The following IPO11 variants were observed in gnomAD, a reference collection of about 807,000 sequenced individuals.
The protein encoded by IPO11 is importin-11.
In IPO11, 66 loss-of-function variants were observed where a neutral mutation model predicts 143.2. The ratio of observed to expected loss-of-function variants is 0.46; its 90% confidence interval spans 0.38 to 0.57. The LOEUF (loss-of-function observed/expected upper bound fraction) is 0.57. IPO11 is among the 20% of genes least tolerant of loss of function. The probability of loss-of-function intolerance (pLI) is 0.00; values close to 1 mark genes in which losing one functional copy is unlikely to be tolerated. For missense variants in IPO11, 1,026 were observed against 1,141.0 expected, an observed-to-expected ratio of 0.90 and a Z score of 1.45; for synonymous variants, 385 against 377.8, an observed-to-expected ratio of 1.02 and a Z score of -0.22.
intron 24 of IPO11, among the ~76,000 whole-genome samples, chr5:62,546,562 C>T (rs1458436079): frequency 4.6e-5 from 7 of 151,912 alleles, no homozygotes; most frequent in Non-Finnish European, 8.8e-5. Context: ...CAAACCTGCA[C>T]GTTGTGCACT....
At chr5:62,483,894 T>G in intron 10 of IPO11, 116 bp from the exon 11 acceptor site, 1 of 834,992 alleles carries the variant, frequency 1.2e-6, no homozygotes, top group Non-Finnish European at 1.8e-6. Context: ...AATGAAAATT[T>G]ATACACAAGT....
intron 27 of IPO11, chr5:62,579,267 A>T: frequency 4.7e-6 from 3 of 643,718 alleles, no homozygotes; most frequent in Admixed American, 2.8e-5. Flanking sequence ...ATTTTTTGCT[A>T]TTACCATGGT....
intron 27 of IPO11, among the ~76,000 whole-genome samples, chr5:62,574,631 T>G (rs1580340557): frequency 6.6e-6 from 1 of 152,156 alleles, no homozygotes; most frequent in Non-Finnish European, 1.5e-5. Flanking sequence ...GCCCTTCTGT[T>G]TAATAGTTCT....
intron 27 of IPO11, chr5:62,579,319 G>T (rs1744449017): frequency 1.1e-6 from 1 of 871,130 alleles, no homozygotes; most frequent in Admixed American, 2.2e-5. Context: ...AATTAAAATA[G>T]AATACAGAAG....
intron 1 of IPO11, among the ~76,000 whole-genome samples, chr5:62,422,055 T>C (rs1292913913): frequency 6.6e-6 from 1 of 152,240 alleles, no homozygotes; most frequent in East Asian, 1.9e-4. Flanking sequence ...TGTTGTTATC[T>C]CTATTCAGTG....
At chr5:62,503,895 G>A (rs952663728) in intron 16 of IPO11, among the ~76,000 whole-genome samples, 4 of 152,156 alleles carry the variant, frequency 2.6e-5, no homozygotes, top group Admixed American at 6.5e-5. Flanking sequence ...ATCTAAGAAA[G>A]TAATGGTTCT....
intron 28 of IPO11, among the ~76,000 whole-genome samples, chr5:62,599,230 CTGGAATACTTGGCCTT>C (rs1561381504): frequency 6.6e-6 from 1 of 152,230 alleles, no homozygotes; most frequent in Non-Finnish European, 1.5e-5. Context: ...AAGAAAATGA[CTGGAATACTTGGCCTT>C]TGCCCCAACT....
chr5:62,586,751 C>A (rs1470935759), intron 27 of IPO11, among the ~76,000 whole-genome samples: 1 of 26,240 alleles, frequency 3.8e-5, no homozygotes, highest in African/African-American at 2.3e-4. Flanking sequence ...AACTCAGTCT[C>A]CAAAAAAAAA....
chr5:62,465,598 C>T (rs1051651736), intron 5 of IPO11, among the ~76,000 whole-genome samples: 2 of 152,176 alleles, frequency 1.3e-5, no homozygotes, highest in Admixed American at 6.5e-5. Context: ...AGTATTTTGG[C>T]TGTAATAAAA....
intron 22 of IPO11, among the ~76,000 whole-genome samples, chr5:62,533,963 A>AG (rs1742644680): frequency 1.9e-5 from 2 of 105,880 alleles, no homozygotes; most frequent in African/African-American, 8.1e-5. Context: ...AAAAAAAAAA[A>AG]AAAAGAAAGC....
rs1001001243 is a variant in IPO11 at position 62,627,442 on chromosome 5, T to A, written c.*124T>A. On this transcript the variant is annotated 3_prime_UTR_variant, in exon 30 of 30. Transcript: ENST00000325324. ...CATGAAAATAAGCAAAGACCACACA[T>A]TTTTTACTACAAAATGTAAAGGATA... The A allele has an allele frequency of 1.1e-5, 9 of 842,576 alleles. No homozygotes were observed. The highest frequency in any genetic ancestry group is 1.6e-5 in the Non-Finnish European group (9 of 549,068). 52.2% of individuals were successfully genotyped at this position (842,576 alleles called of 1,614,324 possible). A position where few individuals can be genotyped will look rare whatever the true frequency, so the allele number is the denominator to read the frequency against.
At chr5:62,552,473 GTT>G (rs74961561) in intron 26 of IPO11, among the ~76,000 whole-genome samples, 10 of 135,120 alleles carry the variant, frequency 7.4e-5, no homozygotes, top group South Asian at 2.3e-4. Flanking sequence ...ATATTTTTTA[GTT>G]TTTTTTTTTT....
chr5:62,547,348 T>A (rs1743238810), intron 24 of IPO11, among the ~76,000 whole-genome samples: 1 of 152,138 alleles, frequency 6.6e-6, no homozygotes. Context: ...CACAGGCACC[T>A]CAAATTCGTC....
In IPO11 at chr5:62,437,454, TA is replaced by T. The variant is rs761058723; in HGVS notation, c.138+41del. 11 of 1,558,664 alleles carry T rather than the reference TA, an allele frequency of 7.1e-6. No individual in the cohort carries two copies. In the East Asian group the frequency reaches 2.5e-4, roughly 36 times the overall value. On this transcript the variant is annotated intron_variant, in intron 2 of 29. Transcript: ENST00000325324. ...TAAAATTGTTTGCTTTTCTTTTTAA[TA>T]AAATGAGACAACATTAATTTGTTTT...
At chr5:62,456,722 G>A (rs1745172155) in intron 5 of IPO11, among the ~76,000 whole-genome samples, 1 of 152,216 alleles carries the variant, frequency 6.6e-6, no homozygotes, top group South Asian at 2.1e-4. Flanking sequence ...CAATATTGTG[G>A]GAGACAGAAG....
intron 1 of IPO11, among the ~76,000 whole-genome samples, chr5:62,435,150 A>ATATGTATATG (rs1221203328): frequency 1.0e-5 from 1 of 98,166 alleles, no homozygotes; most frequent in Admixed American, 1.1e-4. Flanking sequence ...ATATGTATAT[A>ATATGTATATG]TGTATATATA....
intron 4 of IPO11, 82 bp downstream of exon 4, chr5:62,450,081 AAAAT>A: frequency 1.2e-6 from 1 of 858,024 alleles, no homozygotes; most frequent in Non-Finnish European, 1.8e-6. Flanking sequence ...ATTAAAATGA[AAAAT>A]AAAAATATCA....
chr5:62,416,728 T>A (rs200716917), intron 1 of IPO11, among the ~76,000 whole-genome samples: 137 of 137,814 alleles, frequency 9.9e-4, no homozygotes, highest in East Asian at 2.8e-3. Context: ...TTTTTTTTTT[T>A]ATTTTTTTTT....
At chr5:62,602,198 T>G (rs776830760) in intron 29 of IPO11, among the ~76,000 whole-genome samples, 4 of 152,136 alleles carry the variant, frequency 2.6e-5, no homozygotes, top group Non-Finnish European at 5.9e-5. Flanking sequence ...CCCTATTATT[T>G]TATAGATCTT....
Sources: gnomAD v4.1 joint callset for allele counts (sites outside exome capture counted in the v4.1 genomes callset) on GRCh38, gnomAD v4.1.1 for gene constraint, MANE v1.5 for transcripts, NCBI Gene and HGNC (gene_info 2026-07-23, HGNC 2026-07-21) for gene names.